Variants in ASGR2 observed in about 807,000 individuals in gnomAD.
The protein encoded by ASGR2 is asialoglycoprotein receptor 2.
A neutral mutation model predicts 32.3 loss-of-function variants in ASGR2; 34 were observed. The ratio of observed to expected loss-of-function variants is 1.05; its 90% CI spans 0.80 to 1.40. The LOEUF is 1.40. ASGR2 is among the 40% of genes most tolerant of loss of function. The pLI is 0.00. For missense variants in ASGR2, 385 were observed against 386.4 expected (o/e 1.00, Z 0.03); for synonymous variants, 143 against 150.0 (o/e 0.95, Z 0.34).
At chr17:7,102,462 A>T (rs1162277573) in intron 7 of ASGR2, among the ~76,000 whole-genome samples, 1 of 152,222 alleles carries the variant, frequency 6.6e-6, no homozygotes, top group Non-Finnish European at 1.5e-5. Context: ...TGGGCACTGC[A>T]GTGACCACAT....
In ASGR2 at chr17:7,114,439, G is replaced by A. The variant is rs572645788; in HGVS notation, c.-70-129C>T. ...CGTTTGGGATGAGGTTTGAAATCCC[G>A]CTGGGTCCTTTCCCTTCTCAGGAGA... On this transcript the variant is annotated intron_variant, in intron 1 of 8. Transcript: ENST00000691900. This position sits in a 1 kb window ranked among gnomAD's most constrained non-coding sequence, Gnocchi z 4.5. The A allele has an allele frequency of 2.8e-5, 40 of 1,415,906 alleles. No homozygotes were observed. Among genetic ancestry groups the A allele is most frequent in the African/African-American group, 1.6e-4 (11 of 69,238 alleles). 87.7% of individuals were successfully genotyped at this position (1,415,906 alleles called of 1,614,324 possible). A position where few individuals can be genotyped will look rare whatever the true frequency, so the allele number is the denominator to read the frequency against.
intron 7 of ASGR2, among the ~76,000 whole-genome samples, chr17:7,102,596 G>A (rs3785794): frequency 0.14 from 20,656 of 152,002 alleles, 2,064 homozygotes; most frequent in African/African-American, 0.28. Flanking sequence ...CCCAAGTTCC[G>A]GTTCTCTCCC....
chr17:7,111,553 G>A (rs909313576), intron 2 of ASGR2, among the ~76,000 whole-genome samples: 9 of 151,958 alleles, frequency 5.9e-5, no homozygotes, highest in Non-Finnish European at 1.3e-4. Context: ...CTACTCGGGA[G>A]GCTGAGGCAG....
rs1468734684 is a variant in ASGR2 at position 7,108,840 on chromosome 17, C to G, written c.173G>C (p.Cys58Ser). 6.2e-7 allele frequency: 1 copy of G among 1,613,080 alleles called. No individual in the cohort carries two copies. The highest frequency in any genetic ancestry group is 8.5e-7 in the Non-Finnish European group (1 of 1,179,570). The change falls in exon 3 of 9, where the codon TGC becomes TCC. Residue 58 changes from cysteine (C) to serine (S), a missense_variant. Coordinates refer to ENST00000691900, the MANE Select transcript of ASGR2 (RefSeq NM_001201352.2). This position sits in a 1 kb window ranked among gnomAD's most constrained non-coding sequence, Gnocchi z 4.9. Reference protein sequence around the residue: ...PLAQRLCSMVCFSLLALSFNI... With the variant: ...PLAQRLCSMVSFSLLALSFNI... ...GAAGCTCAGGGCAAGCAGACTGAAGCAGACCATGGAGCAGAGACGCTGTGC... is the reference window on the plus strand; with the variant it reads ...GAAGCTCAGGGCAAGCAGACTGAAGGAGACCATGGAGCAGAGACGCTGTGC...
At chr17:7,105,087 A>G (rs560656548) in intron 7 of ASGR2, among the ~76,000 whole-genome samples, 56 of 151,858 alleles carry the variant, frequency 3.7e-4, no homozygotes, top group Admixed American at 1.2e-3. Context: ...CACCTTTCCT[A>G]TGGAAGTTAT....
rs576242723 is a variant in ASGR2 at position 7,108,488 on chromosome 17, G to A, written c.311C>T (p.Thr104Met). The A allele has an allele frequency of 2.9e-5, 47 of 1,607,918 alleles. No homozygotes were observed. Among genetic ancestry groups the A allele is most frequent in the Middle Eastern group, 1.7e-4 (1 of 6,008 alleles). The change falls in exon 4 of 9, where the codon ACG becomes ATG. Residue 104 changes from threonine (T) to methionine (M), a missense_variant. Physicochemically the swap from Thr to Met is moderately conservative, Grantham distance 81. Transcript: ENST00000691900. The surrounding 1 kb of genome is among the most constrained non-coding windows in gnomAD (Gnocchi z 4.9). The part of the protein sequence containing the change: ...AFSNFSSSTL[T>M]EVQAISTHGG... ...GTGGGTGCTGATTGCCTGGACCTCC[G>A]TCAGGGTGCTCGAGGAGAAGTTGCT...
At chr17:7,105,805 T>TTG (rs1491010668) in intron 7 of ASGR2, among the ~76,000 whole-genome samples, 1 of 140,078 alleles carries the variant, frequency 7.1e-6, no homozygotes, top group Non-Finnish European at 1.6e-5. Context: ...TTTTTTTTTT[T>TTG]TGAGTCAGAG....
chr17:7,105,091 A>G (rs1913471894), intron 7 of ASGR2, among the ~76,000 whole-genome samples: 1 of 152,164 alleles, frequency 6.6e-6, no homozygotes, highest in South Asian at 2.1e-4. Context: ...TTTCCTATGG[A>G]AGTTATACAA....
At chr17:7,103,912 C>CTAA in intron 7 of ASGR2, among the ~76,000 whole-genome samples, 1 of 152,004 alleles carries the variant, frequency 6.6e-6, no homozygotes, top group Non-Finnish European at 1.5e-5. Flanking sequence ...GGTATATCTC[C>CTAA]TAATGCTCTC....
chr17:7,103,957 T>C (rs1287365569), intron 7 of ASGR2, among the ~76,000 whole-genome samples: 1 of 150,922 alleles, frequency 6.6e-6, no homozygotes, highest in Admixed American at 6.6e-5. Context: ...CTTTACATGC[T>C]TCAAAAATTT....
chr17:7,112,103 A>T (rs970805821), intron 2 of ASGR2, among the ~76,000 whole-genome samples: 1 of 136,314 alleles, frequency 7.3e-6, no homozygotes, highest in Non-Finnish European at 1.6e-5. Flanking sequence ...GAAGGGGAAA[A>T]TTTTAGTTAA....
At chr17:7,104,192 T>C (rs1913269803) in intron 7 of ASGR2, among the ~76,000 whole-genome samples, 1 of 151,034 alleles carries the variant, frequency 6.6e-6, no homozygotes, top group Non-Finnish European at 1.5e-5. Flanking sequence ...CCACTAAAAA[T>C]ACAAAATTAG....
In ASGR2 at chr17:7,107,128, C is replaced by CG. The variant is rs1567762621; in HGVS notation, c.519dup (p.Val174ArgfsTer22). 1 of 1,614,140 alleles carries CG rather than the reference C, an allele frequency of 6.2e-7. No homozygotes were observed. Among genetic ancestry groups the CG allele is most frequent in the Non-Finnish European group, 8.5e-7 (1 of 1,180,018 alleles). On this transcript the variant is annotated frameshift_variant, in exon 7 of 9. Transcript: ENST00000691900. LOFTEE classifies it high-confidence loss of function. The surrounding 1 kb of genome is among the most constrained non-coding windows in gnomAD (Gnocchi z 5.0). ...CTGCCTTGGTGCTCCACCCAGTTGA[C>CG]GGGGCAGCAGGTCCTTTGGGAGCCT... is the stretch of plus-strand genomic sequence containing the variant.
chr17:7,108,218 C>T lies in ASGR2; in HGVS notation c.337+244G>A, dbSNP rs571770246. On this transcript the variant is annotated intron_variant, in intron 4 of 8. Transcript: ENST00000691900. This position sits in a 1 kb window ranked among gnomAD's most constrained non-coding sequence, Gnocchi z 4.9. ...GCCCCTCCGATGGGCCTGCCACACT[C>T]GATTTGCTCACAGGCCCAAGACATG... 6.6e-6 allele frequency among the ~76,000 whole-genome samples: 1 copy of T among 152,310 alleles called. No homozygotes were observed. The highest frequency in any genetic ancestry group is 1.9e-4 in the East Asian group (1 of 5,174).
In ASGR2 at chr17:7,101,649, TC is replaced by T; in HGVS notation, c.846del (p.Trp282Ter). The stretch of plus-strand genomic sequence containing the variant: ...TACACCTGCAGGCAGAAGTCATCGT[TC>T]CAGCGGCCATCCGGCTGGACTTCAA... The part of the protein sequence containing the change: ...DCVEVQPDGR[W>X]NDDFCLQVYR... On this transcript the variant is annotated frameshift_variant, in exon 9 of 9. Coordinates refer to ENST00000691900, the MANE Select transcript of ASGR2 (RefSeq NM_001201352.2). LOFTEE classifies it low-confidence loss of function (END_TRUNC). 6.2e-7 allele frequency: 1 copy of T among 1,614,222 alleles called. No homozygotes were observed. The highest frequency in any genetic ancestry group is 2.2e-5 in the East Asian group (1 of 44,886).
In ASGR2 at chr17:7,108,499, CGAG is replaced by C. The variant is rs779671563; in HGVS notation, c.297_299del (p.Ser101del). 1.2e-6 allele frequency: 2 copies of C among 1,609,130 alleles called. No individual in the cohort carries two copies. The highest frequency in any genetic ancestry group is 1.3e-5 in the African/African-American group (1 of 75,004). On this transcript the variant is annotated inframe_deletion, in exon 4 of 9. Coordinates refer to ENST00000691900, the MANE Select transcript of ASGR2 (RefSeq NM_001201352.2). The surrounding 1 kb of genome is among the most constrained non-coding windows in gnomAD (Gnocchi z 4.9). ...TTGCCTGGACCTCCGTCAGGGTGCT[CGAG>C]GAGAAGTTGCTGAAAGCTTCCTTCA...
intron 8 of ASGR2, 107 bp downstream of exon 8, chr17:7,101,983 T>C: frequency 2.5e-6 from 3 of 1,200,936 alleles, no homozygotes; most frequent in Non-Finnish European, 3.6e-6. Context: ...GAGGAGAGGA[T>C]TGGGGAATTT....
In ASGR2 at chr17:7,114,266, C is replaced by G. The variant is rs1219955547; in HGVS notation, c.-26G>C. On this transcript the variant is annotated 5_prime_UTR_variant, in exon 2 of 9. Coordinates refer to ENST00000691900, the MANE Select transcript of ASGR2 (RefSeq NM_001201352.2). The surrounding 1 kb of genome is among the most constrained non-coding windows in gnomAD (Gnocchi z 4.5). ...GATGGGGCCCGGGCTGGAGCTGGAG[C>G]TGGAGCTGGGCTGGGCTGGGCTGAG... 1 of 1,585,488 alleles carries G rather than the reference C, an allele frequency of 6.3e-7. No individual in the cohort carries two copies. Among genetic ancestry groups the G allele is most frequent in the Non-Finnish European group, 8.6e-7 (1 of 1,162,050 alleles).
chr17:7,102,145 C>T lies in ASGR2; in HGVS notation c.700G>A (p.Asp234Asn), dbSNP rs769143006. The change falls in exon 8 of 9, where the codon GAC becomes AAC. Residue 234 changes from aspartate (D) to asparagine (N), a missense_variant. Coordinates refer to ENST00000691900, the MANE Select transcript of ASGR2 (RefSeq NM_001201352.2). ...ACCCATTTCCAAGAGCCATCACTGT[C>T]CGTGAGACCTATCCAGGTATTGAAG... ...NPFNTWIGLT[D>N]SDGSWKWVDG... 8.5e-5 allele frequency: 137 copies of T among 1,614,080 alleles called. No individual in the cohort carries two copies. The highest frequency in any genetic ancestry group is 1.1e-4 in the Non-Finnish European group (131 of 1,180,040).
Sources: allele counts gnomAD v4.1 joint callset (sites outside exome capture counted in the v4.1 genomes callset), GRCh38; gene constraint gnomAD v4.1.1; non-coding constraint Gnocchi (gnomAD v3.1); transcripts MANE v1.5; gene names NCBI Gene and HGNC (gene_info 2026-07-23, HGNC 2026-07-21).